TRIM2: variants seen among roughly 807,000 people sequenced by gnomAD.
TRIM2 encodes the protein tripartite motif-containing protein 2.
In TRIM2, 20 loss-of-function variants were observed where a neutral mutation model predicts 75.2. That is an observed-to-expected ratio of 0.27 (90% CI 0.19 to 0.39). The LOEUF (loss-of-function observed/expected upper bound fraction) is 0.39. Ranked by LOEUF, TRIM2 falls within the 10% of genes least tolerant of loss-of-function variation. The pLI, the probability that TRIM2 is intolerant of heterozygous loss-of-function variation, is 1.00. For synonymous variants in TRIM2, 373 were observed against 388.3 expected, an observed-to-expected ratio of 0.96 and a Z score of 0.46; for missense variants, 660 against 990.8, an observed-to-expected ratio of 0.67 and a Z score of 4.48.
intron 6 of TRIM2, among the ~76,000 whole-genome samples, chr4:153,298,356 A>G (rs1763172884): frequency 6.6e-6 from 1 of 152,190 alleles, no homozygotes; most frequent in Admixed American, 6.5e-5. Flanking sequence ...TTAGAAGTCC[A>G]AAATCCAGGT....
chr4:153,175,487 G>C (rs28380504), intron 1 of TRIM2, among the ~76,000 whole-genome samples: 4,679 of 152,094 alleles, frequency 0.031, 193 homozygotes, highest in African/African-American at 0.096. Flanking sequence ...GGAAACAGCG[G>C]GGGGAGGGGG....
chr4:153,297,656 C>T (rs1339168559), intron 6 of TRIM2, among the ~76,000 whole-genome samples: 1 of 152,134 alleles, frequency 6.6e-6, no homozygotes, highest in African/African-American at 2.4e-5. Flanking sequence ...CCATCCCCCA[C>T]ACCTCCCACC....
Position 153,337,246 on chromosome 4 carries a change from A to G in TRIM2, c.*2280A>G. The G allele has an allele frequency of 1.0e-6, 1 of 985,664 alleles. No homozygotes were observed. Among genetic ancestry groups the G allele is most frequent in the Non-Finnish European group, 1.2e-6 (1 of 829,928 alleles). 61.1% of individuals were successfully genotyped at this position (985,664 alleles called of 1,614,324 possible). On this transcript the variant is annotated 3_prime_UTR_variant, in exon 12 of 12. Transcript: ENST00000338700. ...AGATTCTTTCTGTCCCAGGCTGTTG[A>G]TCTTAAAACTAGTTGATTTAAAGAG...
intron 1 of TRIM2, among the ~76,000 whole-genome samples, chr4:153,159,153 C>T (rs897246451): frequency 2.0e-5 from 3 of 152,042 alleles, no homozygotes; most frequent in South Asian, 2.1e-4. Context: ...AGACATAAAA[C>T]GGAACTGTAT....
intron 1 of TRIM2, among the ~76,000 whole-genome samples, chr4:153,211,575 C>A (rs1168851730): frequency 2.0e-5 from 3 of 151,172 alleles, no homozygotes; most frequent in African/African-American, 7.3e-5. Flanking sequence ...GCAGCCTTCA[C>A]CTCCCAGACA....
At chr4:153,194,638 G>A (rs1051220017) in intron 1 of TRIM2, among the ~76,000 whole-genome samples, 2 of 152,110 alleles carry the variant, frequency 1.3e-5, no homozygotes, top group Non-Finnish European at 2.9e-5. Context: ...GAAGTTTTTG[G>A]GGTGATAAGT....
At chr4:153,300,644 C>T (rs1370573244) in intron 6 of TRIM2, among the ~76,000 whole-genome samples, 3 of 151,926 alleles carry the variant, frequency 2.0e-5, no homozygotes, top group Admixed American at 6.6e-5. Flanking sequence ...CAGTTTTAAG[C>T]TTCCCAAGTA....
rs2149615573 is a variant in TRIM2 at position 153,337,857 on chromosome 4, G to A, written c.*2891G>A. The A allele has an allele frequency of 1.0e-6, 1 of 985,714 alleles. No homozygotes were observed. Among genetic ancestry groups the A allele is most frequent in the South Asian group, 4.7e-5 (1 of 21,268 alleles). The allele number at this position is 985,714 out of a possible 1,614,324, so 61.1% of individuals were successfully genotyped here. ...ACGTAAGGCAAAATATTGCCGGTTG[G>A]GATTTCAAGGTCAGTGACGACGCAT... is the stretch of plus-strand genomic sequence containing the variant. On this transcript the variant is annotated 3_prime_UTR_variant, in exon 12 of 12. Transcript: ENST00000338700.
At chr4:153,273,663 T>C (rs977071044) in intron 2 of TRIM2, among the ~76,000 whole-genome samples, 4 of 152,020 alleles carry the variant, frequency 2.6e-5, no homozygotes, top group Non-Finnish European at 5.9e-5. Flanking sequence ...AAGCCAGACA[T>C]AGCTGCTGGC....
chr4:153,263,448 C>G (rs1754092972), intron 1 of TRIM2, among the ~76,000 whole-genome samples: 1 of 152,236 alleles, frequency 6.6e-6, no homozygotes, highest in South Asian at 2.1e-4. Flanking sequence ...AAGTGCTGCT[C>G]TTTGCTGCTG....
chr4:153,256,990 T>A (rs961450687), intron 1 of TRIM2, among the ~76,000 whole-genome samples: 1 of 152,222 alleles, frequency 6.6e-6, no homozygotes, highest in Non-Finnish European at 1.5e-5. Flanking sequence ...AGGAAATCAG[T>A]CGTCTCTCTT....
chr4:153,299,328 G>C (rs1190167030), intron 6 of TRIM2, among the ~76,000 whole-genome samples: 2 of 151,974 alleles, frequency 1.3e-5, no homozygotes, highest in Non-Finnish European at 2.9e-5. Flanking sequence ...TTTTGAAGCT[G>C]AATAGTATTC....
At position 153,154,601 on chromosome 4, in the gene TRIM2, T is replaced by C. The variant is rs541326548; in HGVS notation, c.-49+1331T>C. ...ACCTGACATTGGAGGATTGGCTTAA[T>C]GAGAGCAAGTAGAAAAGACAGAAAG... On this transcript the variant is annotated intron_variant, in intron 1 of 11. Transcript: ENST00000437508. Among the ~76,000 whole-genome samples the C allele has an allele frequency of 3.9e-5, 6 of 152,296 alleles. No individual in the cohort carries two copies. In the East Asian group the frequency reaches 1.2e-3, roughly 29 times the overall value.
chr4:153,202,714 A>AG (rs1734516566), upstream of TRIM2, among the ~76,000 whole-genome samples: 1 of 150,890 alleles, frequency 6.6e-6, no homozygotes, highest in South Asian at 2.1e-4. Flanking sequence ...AAAAAAAAAA[A>AG]AGAAATCATA....
intron 3 of TRIM2, among the ~76,000 whole-genome samples, chr4:153,289,285 T>C (rs1761350827): frequency 6.6e-6 from 1 of 152,170 alleles, no homozygotes; most frequent in African/African-American, 2.4e-5. Context: ...CTAATTATTT[T>C]ATATTTTTTT....
At chr4:153,319,045 G>T (rs1002695696) in intron 8 of TRIM2, among the ~76,000 whole-genome samples, 4 of 152,200 alleles carry the variant, frequency 2.6e-5, no homozygotes, top group African/African-American at 9.7e-5. Flanking sequence ...ATATCCACAG[G>T]TATAGACAGA....
At chr4:153,322,584 G>A in intron 8 of TRIM2, 64 bp from the exon 9 acceptor site, 1 of 1,552,214 alleles carries the variant, frequency 6.4e-7, no homozygotes, top group Non-Finnish European at 8.8e-7. Flanking sequence ...TTATCTTCAT[G>A]TTCTGTAGTG....
chr4:153,305,698 G>A (rs999373343), intron 6 of TRIM2, among the ~76,000 whole-genome samples: 1 of 152,208 alleles, frequency 6.6e-6, no homozygotes, highest in African/African-American at 2.4e-5. Flanking sequence ...ATTCTTGTGA[G>A]AACTCACCCC....
intron 8 of TRIM2, among the ~76,000 whole-genome samples, chr4:153,320,071 G>A (rs546031608): frequency 9.2e-5 from 14 of 152,082 alleles, no homozygotes; most frequent in Non-Finnish European, 1.5e-4. Flanking sequence ...TTTAATCATC[G>A]AAGTGCCTTC....
Sources: allele counts gnomAD v4.1 joint callset (sites outside exome capture counted in the v4.1 genomes callset), GRCh38; gene constraint gnomAD v4.1.1; transcripts MANE v1.5; gene names NCBI Gene and HGNC (gene_info 2026-07-23, HGNC 2026-07-21).